Variants in TEX9 observed in about 807,000 individuals in gnomAD.
The protein encoded by TEX9 is testis-expressed protein 9.
In TEX9, 74 loss-of-function variants were observed where a neutral mutation model predicts 59.6. The ratio of observed to expected loss-of-function variants is 1.24; its 90% CI spans 1.03 to 1.51. The LOEUF (loss-of-function observed/expected upper bound fraction) is 1.51. TEX9 is among the 40% of genes most tolerant of loss of function. The pLI, the probability that TEX9 is intolerant of heterozygous loss-of-function variation, is 0.00. For missense variants in TEX9, 522 were observed against 447.8 expected (o/e 1.17, Z -1.49); for synonymous variants, 186 against 152.2 (o/e 1.22, Z -1.64).
At chr15:56,277,295 T>C (rs1199259747) in intron 1 of TEX9, among the ~76,000 whole-genome samples, 2 of 152,234 alleles carry the variant, frequency 1.3e-5, no homozygotes, top group Admixed American at 6.5e-5. Flanking sequence ...TCCAGGGTTT[T>C]TATGGTTTTA....
At chr15:56,424,398 A>G (rs1223061105) in intron 10 of TEX9, among the ~76,000 whole-genome samples, 1 of 152,160 alleles carries the variant, frequency 6.6e-6, no homozygotes, top group Non-Finnish European at 1.5e-5. Context: ...AGTTAGTTGC[A>G]TGTAGACAGC....
At chr15:56,381,664 G>A (rs757430196) in intron 3 of TEX9, among the ~76,000 whole-genome samples, 3 of 152,224 alleles carry the variant, frequency 2.0e-5, no homozygotes, top group Non-Finnish European at 4.4e-5. Context: ...TGGGTTACCA[G>A]ACAGAGACTC....
chr15:56,432,038 A>G (rs933359067), intron 12 of TEX9, among the ~76,000 whole-genome samples: 1 of 152,182 alleles, frequency 6.6e-6, no homozygotes, highest in Admixed American at 6.5e-5. Context: ...AAGAACAGTA[A>G]TCTACTAAGC....
chr15:56,315,524 T>TTAGTCTGA (rs2045734405), intron 1 of TEX9, among the ~76,000 whole-genome samples: 1 of 150,810 alleles, frequency 6.6e-6, no homozygotes, highest in Non-Finnish European at 1.5e-5. Flanking sequence ...AGATCCGCTG[T>TTAGTCTGA]TAGTCTGATG....
chr15:56,382,215 C>G (rs555614850), intron 3 of TEX9, among the ~76,000 whole-genome samples: 1 of 152,014 alleles, frequency 6.6e-6, no homozygotes, highest in African/African-American at 2.4e-5. Context: ...TCAGTCAGGT[C>G]GTGGTGAATG....
chr15:56,387,037 CAG>C (rs2047991802), intron 4 of TEX9, among the ~76,000 whole-genome samples: 1 of 151,770 alleles, frequency 6.6e-6, no homozygotes, highest in Non-Finnish European at 1.5e-5. Flanking sequence ...GATGGGAAAC[CAG>C]AGTTTAATTT....
Position 56,269,615 on chromosome 15 carries a change from A to G in TEX9, c.-107+25337A>G, listed in dbSNP as rs542935514. Among the ~76,000 whole-genome samples, 7 of 147,306 alleles carry G rather than the reference A, an allele frequency of 4.8e-5. No individual in the cohort carries two copies. The South Asian group carries it at 8.8e-4, about 18-fold the overall frequency. ...TTCAGGAGCAGGTTGTTCAGTTTCC[A>G]TGGAGTTGTGCGGTTCTGAATGAGT... On this transcript the variant is annotated intron_variant, in intron 1 of 5. Transcript: ENST00000560827.
At position 56,283,049 on chromosome 15, in the gene TEX9, G is replaced by GGGGTGTGTGT. The variant is rs140785812; in HGVS notation, c.-107+38772_-107+38773insGGTGTGTGTG. The stretch of plus-strand genomic sequence containing the variant: ...TTTATTTATAGTGTGTACATTGTGT[G>GGGGTGTGTGT]GTGTGTGTGTGTGTGTGTGTGTGTG... On this transcript the variant is annotated intron_variant, in intron 1 of 5. Coordinates refer to the TEX9 transcript ENST00000560827. Among the ~76,000 whole-genome samples the GGGGTGTGTGT allele has an allele frequency of 4.1e-3, 611 of 148,540 alleles. 5 individuals carry two copies. The highest frequency in any genetic ancestry group is 0.015 in the African/African-American group (594 of 40,360).
chr15:56,315,305 T>C (rs1368356493), intron 1 of TEX9, among the ~76,000 whole-genome samples: 5 of 145,078 alleles, frequency 3.4e-5, no homozygotes, highest in African/African-American at 7.5e-5. Context: ...TTCCTTTCCA[T>C]GTTTAGTGCT....
chr15:56,254,979 G>A (rs2044110709), intron 1 of TEX9, among the ~76,000 whole-genome samples: 1 of 151,864 alleles, frequency 6.6e-6, no homozygotes, highest in African/African-American at 2.4e-5. Context: ...AATAAATGAT[G>A]AATCCAAGAA....
intron 1 of TEX9, among the ~76,000 whole-genome samples, chr15:56,303,764 GA>G (rs1312923024): frequency 6.6e-6 from 1 of 151,944 alleles, no homozygotes; most frequent in Non-Finnish European, 1.5e-5. Flanking sequence ...CCTTTATCCA[GA>G]ATAAGAAAAG....
At chr15:56,320,493 A>G (rs2045877547) in intron 1 of TEX9, among the ~76,000 whole-genome samples, 1 of 151,928 alleles carries the variant, frequency 6.6e-6, no homozygotes, top group Non-Finnish European at 1.5e-5. Flanking sequence ...AGGGAAAGAG[A>G]GAGATAGAGA....
chr15:56,300,601 T>C, intron 1 of TEX9, among the ~76,000 whole-genome samples: 1 of 152,054 alleles, frequency 6.6e-6, no homozygotes, highest in East Asian at 1.9e-4. Flanking sequence ...AGTATTGTGC[T>C]GGCTTTGGGT....
upstream of TEX9, among the ~76,000 whole-genome samples, chr15:56,363,850 C>CTT (rs202238176): frequency 1.2e-3 from 161 of 139,484 alleles, 1 homozygote; most frequent in African/African-American, 3.0e-3. Flanking sequence ...TATCTATTTC[C>CTT]TTTTTTTTTT....
chr15:56,270,312 T>A (rs1390515814), intron 1 of TEX9, among the ~76,000 whole-genome samples: 1 of 152,188 alleles, frequency 6.6e-6, no homozygotes, highest in African/African-American at 2.4e-5. Flanking sequence ...AGGACTTGCT[T>A]TATGAATCTG....
chr15:56,320,193 A>T (rs112295773), intron 1 of TEX9, among the ~76,000 whole-genome samples: 18 of 152,348 alleles, frequency 1.2e-4, no homozygotes, highest in African/African-American at 4.1e-4. Flanking sequence ...CAATGGAATT[A>T]TTCTCTAAAA....
At chr15:56,384,299 A>G (rs1490708595) in intron 4 of TEX9, among the ~76,000 whole-genome samples, 1 of 152,170 alleles carries the variant, frequency 6.6e-6, no homozygotes, top group African/African-American at 2.4e-5. Flanking sequence ...AAAACTATGA[A>G]ATCATATTGT....
chr15:56,329,626 G>T (rs959008775), intron 1 of TEX9, among the ~76,000 whole-genome samples: 1 of 152,072 alleles, frequency 6.6e-6, no homozygotes, highest in Non-Finnish European at 1.5e-5. Context: ...AGAAATTCTG[G>T]TGTTGAAAAA....
intron 1 of TEX9, among the ~76,000 whole-genome samples, chr15:56,267,897 G>T (rs961014493): frequency 6.6e-6 from 1 of 152,150 alleles, no homozygotes; most frequent in Non-Finnish European, 1.5e-5. Flanking sequence ...GGATGGCATT[G>T]AATCTATAAA....
Sources: gnomAD v4.1 joint callset for allele counts (sites outside exome capture counted in the v4.1 genomes callset) on GRCh38, gnomAD v4.1.1 for gene constraint, MANE v1.5 for transcripts, NCBI Gene and HGNC (gene_info 2026-07-23, HGNC 2026-07-21) for gene names.